Variants in SLK observed in about 807,000 individuals in gnomAD.
SLK encodes the protein STE20 like kinase, also known as STE20-like serine/threonine-protein kinase.
A neutral mutation model predicts 147.7 loss-of-function variants in SLK; 67 were observed. That is an observed-to-expected ratio of 0.45 (90% CI 0.37 to 0.56). The LOEUF is 0.56. SLK is among the 20% of genes least tolerant of loss of function. The probability of loss-of-function intolerance (pLI) is 0.00; values close to 1 mark genes in which losing one functional copy is unlikely to be tolerated. For synonymous variants in SLK, 441 were observed against 475.0 expected (o/e 0.93, Z 0.93); for missense variants, 1,136 against 1,438.8 (o/e 0.79, Z 3.41).
At chr10:103,972,236 A>G (rs1304427622) in intron 1 of SLK, among the ~76,000 whole-genome samples, 1 of 152,220 alleles carries the variant, frequency 6.6e-6, no homozygotes, top group Non-Finnish European at 1.5e-5. Context: ...TCTTACACAA[A>G]ACGGTAGTTG....
At chr10:103,990,233 A>C (rs574343407) in intron 1 of SLK, among the ~76,000 whole-genome samples, 1 of 152,272 alleles carries the variant, frequency 6.6e-6, no homozygotes, top group African/African-American at 2.4e-5. Flanking sequence ...GGGCAGTGAA[A>C]CTATTCTGTA....
rs763868785 is a variant in SLK at position 104,018,162 on chromosome 10, A to G, written c.2880A>G (p.Glu960=). The G allele has an allele frequency of 1.2e-6, 2 of 1,601,888 alleles. No homozygotes were observed. Among genetic ancestry groups the G allele is most frequent in the Non-Finnish European group, 1.7e-6 (2 of 1,175,510 alleles). ...TGACAATTAACTGTTTTTAATAGGA[A>G]CAAGAGTTTGTTCAGAAACAACAGC... ...EELAQSQHAQ[E]QEFVQKQQQE... is the part of the protein sequence containing the mutation. The change falls in exon 14 of 19, where the codon GAA becomes GAG. Residue 960 remains glutamate, a splice_region_variant and synonymous_variant. Coordinates refer to ENST00000369755, the MANE Select transcript of SLK (RefSeq NM_014720.4).
chr10:104,006,166 T>A, intron 11 of SLK, 131 bp downstream of exon 11: 1 of 954,714 alleles, frequency 1.0e-6, no homozygotes, highest in Non-Finnish European at 1.5e-6. Flanking sequence ...GCTTTGTGAT[T>A]TATTTCTGGC....
At position 104,005,913 on chromosome 10, in the gene SLK, C is replaced by T. The variant is rs577949306; in HGVS notation, c.2482C>T (p.Arg828Cys). Residue 828 changes from arginine (R) to cysteine (C), a missense_variant and splice_region_variant, in exon 11 of 19, where the codon CGT (arginine) becomes TGT (cysteine). Physicochemically the swap from Arg to Cys is radical, Grantham distance 180 (BLOSUM62 -3). Coordinates refer to ENST00000369755, the MANE Select transcript of SLK (RefSeq NM_014720.4). ...SKTEELRFLR[R>C]QELRELRFLQ... ...ATCATTACCATTAAATTTTATCAGA[C>T]GTCAGGAACTTCGGGAATTAAGATT... 15 of 1,606,296 alleles carry T rather than the reference C, an allele frequency of 9.3e-6. No homozygotes were observed. The highest frequency in any genetic ancestry group is 1.3e-5 in the Non-Finnish European group (15 of 1,178,142).
intron 1 of SLK, among the ~76,000 whole-genome samples, chr10:103,979,903 GT>G (rs1781482251): frequency 6.6e-6 from 1 of 152,134 alleles, no homozygotes. Flanking sequence ...CATGGCTAAT[GT>G]TTTTGTCTTA....
chr10:104,012,438 T>C (rs1844412047), intron 13 of SLK, among the ~76,000 whole-genome samples: 1 of 152,186 alleles, frequency 6.6e-6, no homozygotes, highest in African/African-American at 2.4e-5. Flanking sequence ...GTATTCCTAG[T>C]TTAAGGTGGT....
intron 13 of SLK, among the ~76,000 whole-genome samples, chr10:104,016,000 T>G (rs1844457844): frequency 6.6e-6 from 1 of 152,182 alleles, no homozygotes; most frequent in Non-Finnish European, 1.5e-5. Context: ...TTATGTTGTT[T>G]ATTGAACAAG....
intron 1 of SLK, among the ~76,000 whole-genome samples, chr10:103,984,362 C>T (rs1239683724): frequency 1.3e-5 from 2 of 152,046 alleles, no homozygotes; most frequent in East Asian, 3.9e-4. Flanking sequence ...ACTTAACTAC[C>T]CTATTTAAGT....
rs1242187168 is a variant in SLK at position 104,028,607 on chromosome 10, TC to T, written c.*2889del. 1 of 152,204 alleles carries T rather than the reference TC, an allele frequency of 6.6e-6. No homozygotes were observed. Among genetic ancestry groups the T allele is most frequent in the East Asian group, 1.9e-4 (1 of 5,200 alleles). The allele number at this position is 152,204 out of a possible 1,614,324, so 9.4% of individuals were successfully genotyped here. ...ACCAGAGCTACCTCTAAGTCATACT[TC>T]CTCAAGCACAAAGCTCTCAGGCATA... On this transcript the variant is annotated 3_prime_UTR_variant, in exon 19 of 19. Coordinates refer to ENST00000369755, the MANE Select transcript of SLK (RefSeq NM_014720.4).
At chr10:103,969,350 T>C (rs1375691451) in intron 1 of SLK, among the ~76,000 whole-genome samples, 1 of 152,228 alleles carries the variant, frequency 6.6e-6, no homozygotes, top group Admixed American at 6.5e-5. Context: ...GTCCTCATTC[T>C]TTATCCAGGC....
intron 1 of SLK, among the ~76,000 whole-genome samples, chr10:103,974,077 C>G (rs1238122444): frequency 6.6e-6 from 1 of 152,024 alleles, no homozygotes; most frequent in Non-Finnish European, 1.5e-5. Context: ...TGATATAGGT[C>G]TTTTCTTCTT....
chr10:104,013,493 G>A (rs1372774693), intron 13 of SLK, among the ~76,000 whole-genome samples: 1 of 152,246 alleles, frequency 6.6e-6, no homozygotes, highest in Non-Finnish European at 1.5e-5. Context: ...TCATTTTACA[G>A]ATGAGAAAGA....
At chr10:104,020,681 A>G in intron 17 of SLK, 68 bp downstream of exon 17, 3 of 1,538,062 alleles carry the variant, frequency 2.0e-6, no homozygotes, top group Non-Finnish European at 8.8e-7. Context: ...TTTTGAGAGA[A>G]CAGTAGCTAG....
chr10:104,028,925 G>T lies in SLK; in HGVS notation c.*3205G>T, dbSNP rs1844631988. 6.6e-6 allele frequency: 1 copy of T among 152,200 alleles called. No individual in the cohort carries two copies. The highest frequency in any genetic ancestry group is 1.5e-5 in the Non-Finnish European group (1 of 68,032). The allele number at this position is 152,200 out of a possible 1,614,324, so 9.4% of individuals were successfully genotyped here. The stretch of plus-strand genomic sequence containing the variant: ...AAATGATTTTTATAAGAAATGGGGT[G>T]ATTCTTTAAATGCTTTTCTTAAGTT... On this transcript the variant is annotated 3_prime_UTR_variant, in exon 19 of 19. Coordinates refer to ENST00000369755, the MANE Select transcript of SLK (RefSeq NM_014720.4).
In SLK at chr10:103,973,145, G is replaced by A. The variant is rs191922411; in HGVS notation, c.150+5250G>A. Among the ~76,000 whole-genome samples the A allele has an allele frequency of 7.1e-4, 108 of 152,176 alleles. 2 individuals carry two copies. Among genetic ancestry groups the A allele is most frequent in the East Asian group, 6.2e-3 (32 of 5,184 alleles). ...TAATCTTCTATATTATCTTCTAAAAGCTTTATGATTTTGCTTTTCTTTAAC... is the reference window on the plus strand; with the variant it reads ...TAATCTTCTATATTATCTTCTAAAAACTTTATGATTTTGCTTTTCTTTAAC... On this transcript the variant is annotated intron_variant, in intron 1 of 18. Coordinates refer to ENST00000369755, the MANE Select transcript of SLK (RefSeq NM_014720.4).
rs1564659690 is a variant in SLK at position 104,006,038 on chromosome 10, A to G, written c.2604+3A>G. 8 of 1,610,520 alleles carry G rather than the reference A, an allele frequency of 5.0e-6. No individual in the cohort carries two copies. The highest frequency in any genetic ancestry group is 6.8e-6 in the Non-Finnish European group (8 of 1,179,110). On this transcript the variant is annotated splice_donor_region_variant and intron_variant, in intron 11 of 18. Coordinates refer to ENST00000369755, the MANE Select transcript of SLK (RefSeq NM_014720.4). ...GGCGCTTTGAGCAGGAAATGATGGT[A>G]AAGTCTGATTGTTATACCATTTTAT...
intron 1 of SLK, among the ~76,000 whole-genome samples, chr10:103,972,232 A>G (rs1843801825): frequency 6.6e-6 from 1 of 152,218 alleles, no homozygotes; most frequent in African/African-American, 2.4e-5. Context: ...TGGCTCTTAC[A>G]CAAAACGGTA....
At chr10:103,987,722 A>T (rs1425274077) in intron 1 of SLK, among the ~76,000 whole-genome samples, 2 of 152,250 alleles carry the variant, frequency 1.3e-5, no homozygotes, top group African/African-American at 4.8e-5. Flanking sequence ...AACGTTAAAA[A>T]TGATCCTAGT....
chr10:103,987,337 A>G (rs1209418801), intron 1 of SLK, among the ~76,000 whole-genome samples: 1 of 152,170 alleles, frequency 6.6e-6, no homozygotes, highest in African/African-American at 2.4e-5. Flanking sequence ...TAAAAGATAC[A>G]TCTTTAAAAT....
Sources: allele counts gnomAD v4.1 joint callset (sites outside exome capture counted in the v4.1 genomes callset), GRCh38; gene constraint gnomAD v4.1.1; transcripts MANE v1.5; gene names NCBI Gene and HGNC (gene_info 2026-07-23, HGNC 2026-07-21).